The following GRID2 variants were observed in gnomAD, a reference collection of about 807,000 sequenced individuals.
The protein encoded by GRID2 is glutamate receptor ionotropic, delta-2.
A neutral mutation model predicts 114.8 loss-of-function variants in GRID2; 33 were observed. The ratio of observed to expected loss-of-function variants is 0.29; its 90% confidence interval spans 0.22 to 0.38. The LOEUF (loss-of-function observed/expected upper bound fraction) is 0.38. Among genes scored for constraint, GRID2 ranks in the 10% least tolerant of loss-of-function variants. The pLI, the probability that GRID2 is intolerant of heterozygous loss-of-function variation, is 1.00. For missense variants in GRID2, 1,184 were observed against 1,257.7 expected (o/e 0.94, Z 0.89); for synonymous variants, 505 against 449.9 (o/e 1.12, Z -1.55).
At chr4:92,627,706 A>G (rs773347874) in intron 2 of GRID2, among the ~76,000 whole-genome samples, 30 of 152,184 alleles carry the variant, frequency 2.0e-4, no homozygotes, top group Non-Finnish European at 3.7e-4. Flanking sequence ...ACTATTTCTC[A>G]TTCTTCTAAA....
At chr4:92,679,296 C>A (rs1733531676) in intron 2 of GRID2, among the ~76,000 whole-genome samples, 1 of 152,058 alleles carries the variant, frequency 6.6e-6, no homozygotes, top group Non-Finnish European at 1.5e-5. Context: ...ATCTTTCTAG[C>A]TTGTAAATAC....
intron 13 of GRID2, among the ~76,000 whole-genome samples, chr4:93,596,006 G>A (rs866393687): frequency 1.1e-4 from 17 of 152,098 alleles, no homozygotes; most frequent in East Asian, 1.9e-4. Context: ...CTGAGGTCCC[G>A]AGTAGTTAAG....
chr4:92,407,298 T>C (rs1489406912), intron 1 of GRID2, among the ~76,000 whole-genome samples: 1 of 152,194 alleles, frequency 6.6e-6, no homozygotes. Flanking sequence ...TTCCATGATG[T>C]ATATGTACCA....
intron 1 of GRID2, among the ~76,000 whole-genome samples, chr4:93,783,877 C>T (rs912833655): frequency 6.6e-6 from 1 of 151,474 alleles, no homozygotes; most frequent in Middle Eastern, 3.4e-3. Flanking sequence ...TCGAGACCAT[C>T]CCGGCTAAAA....
At chr4:93,156,507 A>C (rs1737199776) in intron 4 of GRID2, among the ~76,000 whole-genome samples, 1 of 151,798 alleles carries the variant, frequency 6.6e-6, no homozygotes, top group Admixed American at 6.6e-5. Flanking sequence ...GAAGATTCAC[A>C]GGCCCTTTAG....
At chr4:92,897,506 T>G (rs1239661034) in intron 2 of GRID2, among the ~76,000 whole-genome samples, 2 of 152,214 alleles carry the variant, frequency 1.3e-5, no homozygotes, top group African/African-American at 2.4e-5. Flanking sequence ...TCACTCTACT[T>G]TCTTTCAGAA....
At position 93,517,993 on chromosome 4, in the gene GRID2, ATACATGTATATGTATG is replaced by A. The variant is rs1729945666; in HGVS notation, c.2193+2585_2193+2600del. Among the ~76,000 whole-genome samples, 2 of 17,360 alleles carry A rather than the reference ATACATGTATATGTATG, an allele frequency of 1.2e-4. 1 individual carries two copies. Among genetic ancestry groups the A allele is most frequent in the African/African-American group, 6.0e-4 (2 of 3,308 alleles). The allele number at this position is 17,360 out of a possible 152,430, so 11.4% of individuals were successfully genotyped here. A position where few individuals can be genotyped will look rare whatever the true frequency, so the allele number is the denominator to read the frequency against. ...CATACATGTACATGTATGTATATAC[ATACATGTATATGTATG>A]TATATACATACATGTACATGTATGT... is the stretch of plus-strand genomic sequence containing the variant. On this transcript the variant is annotated intron_variant, in intron 13 of 15. Coordinates refer to ENST00000282020, the MANE Select transcript of GRID2 (RefSeq NM_001510.4).
chr4:93,264,768 AT>A (rs1750631109), intron 8 of GRID2, among the ~76,000 whole-genome samples: 4 of 145,654 alleles, frequency 2.7e-5, no homozygotes, highest in South Asian at 4.2e-4. Context: ...ATATATATAT[AT>A]ATATAAATAT....
At chr4:93,046,818 A>G (rs985112907) in intron 2 of GRID2, among the ~76,000 whole-genome samples, 1 of 151,884 alleles carries the variant, frequency 6.6e-6, no homozygotes, top group Non-Finnish European at 1.5e-5. Flanking sequence ...AGTTGACTTC[A>G]TAAGAAATAT....
intron 4 of GRID2, among the ~76,000 whole-genome samples, chr4:93,153,092 A>G (rs1280946390): frequency 6.6e-6 from 1 of 152,290 alleles, no homozygotes; most frequent in East Asian, 1.9e-4. Context: ...ATAGTAATCT[A>G]TGTCTAACCT....
At chr4:92,582,858 G>C (rs1049739412) in intron 1 of GRID2, among the ~76,000 whole-genome samples, 3 of 151,732 alleles carry the variant, frequency 2.0e-5, no homozygotes, top group African/African-American at 7.3e-5. Flanking sequence ...TTGGTTGCAT[G>C]CCCCTGTAGT....
At chr4:92,711,975 G>A (rs1263105117) in intron 2 of GRID2, among the ~76,000 whole-genome samples, 2 of 152,136 alleles carry the variant, frequency 1.3e-5, no homozygotes, top group African/African-American at 2.4e-5. Context: ...TTTATCTTAA[G>A]TTCAACTGAT....
At chr4:93,355,261 C>T (rs1422365618) in intron 8 of GRID2, among the ~76,000 whole-genome samples, 1 of 151,942 alleles carries the variant, frequency 6.6e-6, no homozygotes, top group Non-Finnish European at 1.5e-5. Flanking sequence ...GAGGAATGGG[C>T]TCAGTGAGGG....
At chr4:92,440,419 G>A (rs1732983190) in intron 1 of GRID2, among the ~76,000 whole-genome samples, 1 of 151,542 alleles carries the variant, frequency 6.6e-6, no homozygotes. Context: ...TCCAGTGAAA[G>A]TGTCTACCTA....
At chr4:92,446,402 A>G (rs1463919155) in intron 1 of GRID2, among the ~76,000 whole-genome samples, 2 of 152,246 alleles carry the variant, frequency 1.3e-5, no homozygotes, top group African/African-American at 4.8e-5. Context: ...CCAGTATGTT[A>G]GGTCAGAGAA....
intron 1 of GRID2, among the ~76,000 whole-genome samples, chr4:92,460,599 C>T (rs11946225): frequency 0.18 from 26,986 of 152,018 alleles, 3,339 homozygotes; most frequent in African/African-American, 0.35. Flanking sequence ...TCCTTTCTGT[C>T]TTGCTCACAC....
chr4:92,598,541 A>G (rs943929222), intron 2 of GRID2, among the ~76,000 whole-genome samples: 1 of 152,128 alleles, frequency 6.6e-6, no homozygotes, highest in Non-Finnish European at 1.5e-5. Flanking sequence ...GGAAAAACAT[A>G]TATATTAAGT....
chr4:93,691,348 T>C (rs1015926092), intron 14 of GRID2, among the ~76,000 whole-genome samples: 14 of 152,058 alleles, frequency 9.2e-5, no homozygotes, highest in African/African-American at 3.4e-4. Flanking sequence ...GTGTTATTTT[T>C]GCTTTAATGT....
rs1294704821 is a variant in GRID2 at position 92,557,276 on chromosome 4, CACAA to C, written c.89-32851_89-32848del. Among the ~76,000 whole-genome samples, 7 of 151,736 alleles carry C rather than the reference CACAA, an allele frequency of 4.6e-5. No homozygotes were observed. In the East Asian group the frequency reaches 5.8e-4, roughly 13 times the overall value. ...AAATTCTACTATAGACACTTGTAAA[CACAA>C]ACATTCATATTTAAAATGTATTAAA... On this transcript the variant is annotated intron_variant, in intron 1 of 15. Transcript: ENST00000282020.
Sources: allele counts gnomAD v4.1 joint callset (sites outside exome capture counted in the v4.1 genomes callset), GRCh38; gene constraint gnomAD v4.1.1; transcripts MANE v1.5; gene names NCBI Gene and HGNC (gene_info 2026-07-23, HGNC 2026-07-21).